Variants in LAMB3 observed in about 807,000 individuals in gnomAD.
LAMB3 encodes the protein laminin subunit beta-3.
A neutral mutation model predicts 140.3 loss-of-function variants in LAMB3; 104 were observed. That is an observed-to-expected ratio of 0.74 (90% CI 0.63 to 0.87). The LOEUF (loss-of-function observed/expected upper bound fraction) is 0.87. LAMB3 is among the 40% of genes least tolerant of loss of function. The pLI is 0.00. For missense variants in LAMB3, 1,531 were observed against 1,575.2 expected, an observed-to-expected ratio of 0.97 and a Z score of 0.47; for synonymous variants, 592 against 602.9, an observed-to-expected ratio of 0.98 and a Z score of 0.26.
chr1:209,619,707 AC>A (rs1369875287), intron 18 of LAMB3, among the ~76,000 whole-genome samples: 1 of 152,132 alleles, frequency 6.6e-6, no homozygotes, highest in Admixed American at 6.5e-5. Flanking sequence ...GGAGGGGGGC[AC>A]CCACTCACCA....
intron 3 of LAMB3, among the ~76,000 whole-genome samples, chr1:209,639,268 G>T (rs1195692183): frequency 6.6e-6 from 1 of 152,172 alleles, no homozygotes; most frequent in African/African-American, 2.4e-5. Context: ...TATACTATGT[G>T]CCAGACTCTA....
intron 13 of LAMB3, among the ~76,000 whole-genome samples, chr1:209,626,630 A>G (rs549664019): frequency 6.6e-6 from 1 of 152,200 alleles, no homozygotes; most frequent in Non-Finnish European, 1.5e-5. Context: ...GGAAGTGGGG[A>G]GCAAAGCAAC....
In LAMB3 at chr1:209,626,031, G is replaced by A. The variant is rs768703055; in HGVS notation, c.1598-5C>T. On this transcript the variant is annotated splice_polypyrimidine_tract_variant and splice_region_variant and intron_variant, in intron 13 of 22. Coordinates refer to ENST00000356082, the MANE Select transcript of LAMB3 (RefSeq NM_000228.3). ...CCCGGAAATCACAGTCACAGGCTAG[G>A]GCCAAGAAAAATGACAGTCAGAGAC... 1.9e-6 allele frequency: 3 copies of A among 1,612,128 alleles called. No homozygotes were observed. The highest frequency in any genetic ancestry group is 2.5e-6 in the Non-Finnish European group (3 of 1,178,898).
intron 2 of LAMB3, 74 bp from the exon 3 acceptor site, chr1:209,650,192 G>A: frequency 1.4e-6 from 2 of 1,472,698 alleles, no homozygotes; most frequent in Non-Finnish European, 1.9e-6. Flanking sequence ...GTATCTTTCA[G>A]GGAAGCTGAC....
At chr1:209,637,861 G>A in intron 5 of LAMB3, 47 bp downstream of exon 5, 1 of 1,486,124 alleles carries the variant, frequency 6.7e-7, no homozygotes, top group Non-Finnish European at 9.3e-7. Flanking sequence ...ACGCCCACAT[G>A]GCCCAGGAGC....
Position 209,626,196 on chromosome 1 carries a change from G to A in LAMB3, c.1598-170C>T, listed in dbSNP as rs148071016. On this transcript the variant is annotated intron_variant, in intron 13 of 22. Coordinates refer to ENST00000356082, the MANE Select transcript of LAMB3 (RefSeq NM_000228.3). ...GGTAACAGCTGCAGTGAAAGCAAAC[G>A]CTTACTTAGCACCTACCATGTGCCA... is the stretch of plus-strand genomic sequence containing the variant. 7.2e-5 allele frequency among the ~76,000 whole-genome samples: 11 copies of A among 152,304 alleles called. No homozygotes were observed. In the East Asian group the frequency reaches 7.7e-4, roughly 11 times the overall value.
In LAMB3 at chr1:209,615,492, C is replaced by G; in HGVS notation, c.3383-85G>C. ...CAACCCTTCCTTCCCCTCCTGCTAACTGGAGGTAGCATGTGTAGAGGAATC... is the reference window on the plus strand; with the variant it reads ...CAACCCTTCCTTCCCCTCCTGCTAAGTGGAGGTAGCATGTGTAGAGGAATC... On this transcript the variant is annotated intron_variant, in intron 22 of 22. Coordinates refer to ENST00000356082, the MANE Select transcript of LAMB3 (RefSeq NM_000228.3). The G allele has an allele frequency of 2.0e-6, 3 of 1,473,512 alleles. No homozygotes were observed. In the South Asian group the frequency reaches 4.0e-5, roughly 20 times the overall value. 91.3% of individuals were successfully genotyped at this position (1,473,512 alleles called of 1,614,324 possible). A position where few individuals can be genotyped will look rare whatever the true frequency, so the allele number is the denominator to read the frequency against.
At chr1:209,649,868 C>T in intron 3 of LAMB3, 96 bp downstream of exon 3, 1 of 1,389,580 alleles carries the variant, frequency 7.2e-7, no homozygotes, top group South Asian at 1.2e-5. Context: ...CAGGGCTTGG[C>T]CTACACCAAG....
chr1:209,646,715 T>G (rs904893222), intron 3 of LAMB3, among the ~76,000 whole-genome samples: 3 of 152,208 alleles, frequency 2.0e-5, no homozygotes, highest in Non-Finnish European at 4.4e-5. Flanking sequence ...TGCATGTGGA[T>G]GCAGCCACCA....
intron 3 of LAMB3, among the ~76,000 whole-genome samples, chr1:209,648,176 G>A (rs2076533821): frequency 6.6e-6 from 1 of 152,180 alleles, no homozygotes; most frequent in Admixed American, 6.5e-5. Flanking sequence ...ACAGAGAGGT[G>A]GAAGATGGGG....
chr1:209,646,547 T>G (rs1310785095), intron 3 of LAMB3, among the ~76,000 whole-genome samples: 1 of 152,214 alleles, frequency 6.6e-6, no homozygotes, highest in Non-Finnish European at 1.5e-5. Flanking sequence ...GCCTGTGGAT[T>G]CTTCAACAGC....
intron 3 of LAMB3, among the ~76,000 whole-genome samples, chr1:209,644,149 T>C (rs1208444830): frequency 1.3e-5 from 2 of 152,218 alleles, no homozygotes; most frequent in Admixed American, 6.5e-5. Context: ...CATTTCTATG[T>C]CAATGCATAT....
intron 3 of LAMB3, among the ~76,000 whole-genome samples, chr1:209,645,558 A>G (rs2102458621): frequency 6.6e-6 from 1 of 152,208 alleles, no homozygotes; most frequent in Admixed American, 6.5e-5. Flanking sequence ...TCTACTAAAA[A>G]TACAAAAATC....
At chr1:209,647,646 A>T (rs528471800) in intron 3 of LAMB3, among the ~76,000 whole-genome samples, 2 of 152,262 alleles carry the variant, frequency 1.3e-5, no homozygotes, top group African/African-American at 2.4e-5. Flanking sequence ...GGAAGGGTGA[A>T]GGGAGAGGCA....
chr1:209,628,643 C>G (rs1666563651), intron 10 of LAMB3, among the ~76,000 whole-genome samples: 1 of 148,502 alleles, frequency 6.7e-6, no homozygotes, highest in African/African-American at 2.6e-5. Context: ...TTGCAGTAAG[C>G]TGAGATGGCG....
At position 209,625,980 on chromosome 1, in the gene LAMB3, C is replaced by T. The variant is rs1666433893; in HGVS notation, c.1644G>A (p.Lys548=). Residue 548 remains lysine (K), a synonymous_variant, in exon 14 of 23, where the codon AAG becomes AAA. Transcript: ENST00000356082. ...FRGTEGPGCD[K]ASGRCLCRPG... ...GGCGGCAGAGGCAGCGGCCTGATGC[C>T]TTGTCGCAGCCCGGGCCCTCTGTTC... The T allele has an allele frequency of 1.6e-5, 26 of 1,613,480 alleles. No individual in the cohort carries two copies. The highest frequency in any genetic ancestry group is 2.2e-5 in the Non-Finnish European group (26 of 1,179,742).
chr1:209,639,690 A>T (rs923609320), intron 3 of LAMB3, among the ~76,000 whole-genome samples: 1 of 152,114 alleles, frequency 6.6e-6, no homozygotes, highest in Non-Finnish European at 1.5e-5. Context: ...CACAGATAAC[A>T]CGACCTTTTC....
chr1:209,640,552 A>T (rs2076459530), intron 3 of LAMB3, among the ~76,000 whole-genome samples: 1 of 151,900 alleles, frequency 6.6e-6, no homozygotes, highest in African/African-American at 2.4e-5. Context: ...TGTCTCAAAA[A>T]AAAAAAAGTA....
At chr1:209,630,509 A>G (rs763425481) in intron 9 of LAMB3, 106 bp downstream of exon 9, 101 of 1,275,294 alleles carry the variant, frequency 7.9e-5, no homozygotes, top group Non-Finnish European at 1.0e-4. Flanking sequence ...TTAGATTTAC[A>G]TAAGAAAGAC....
Sources: gnomAD v4.1 joint callset for allele counts (sites outside exome capture counted in the v4.1 genomes callset) on GRCh38, gnomAD v4.1.1 for gene constraint, MANE v1.5 for transcripts, NCBI Gene and HGNC (gene_info 2026-07-23, HGNC 2026-07-21) for gene names.